Variants in MTHFD1 observed in about 807,000 individuals in gnomAD.
MTHFD1 encodes C-1-tetrahydrofolate synthase, cytoplasmic.
In MTHFD1, 44 loss-of-function variants were observed where a neutral mutation model predicts 110.3. The observed-to-expected ratio is 0.40, with a 90% CI of 0.31 to 0.51. MTHFD1 has a LOEUF of 0.51. Ranked by LOEUF, MTHFD1 falls within the 20% of genes least tolerant of loss-of-function variation. MTHFD1 has a pLI of 0.60. For synonymous variants in MTHFD1, 402 were observed against 428.8 expected (o/e 0.94, Z 0.77); for missense variants, 909 against 1,173.1 (o/e 0.77, Z 3.29).
intron 12 of MTHFD1, 126 bp from the exon 13 acceptor site, chr14:64,430,058 A>G: frequency 3.3e-6 from 3 of 895,604 alleles, no homozygotes; most frequent in South Asian, 2.7e-5. Context: ...AAACTGTCCA[A>G]ATGATTCTAA....
chr14:64,411,577 C>G (rs960654301), intron 3 of MTHFD1, among the ~76,000 whole-genome samples: 14 of 152,182 alleles, frequency 9.2e-5, no homozygotes, highest in Non-Finnish European at 1.3e-4. Context: ...ATGACCTTCT[C>G]TGGCTCAGTG....
chr14:64,448,614 C>T (rs1444091515), intron 23 of MTHFD1: 1 of 416,338 alleles, frequency 2.4e-6, no homozygotes, highest in Non-Finnish European at 4.5e-6. Context: ...TTTATGCTAA[C>T]AGAAGGTCAT....
chr14:64,424,525 G>C (rs1039591056), intron 8 of MTHFD1, among the ~76,000 whole-genome samples: 3 of 152,104 alleles, frequency 2.0e-5, no homozygotes, highest in Admixed American at 1.3e-4. Context: ...TTGGTTTTAA[G>C]AATAAAAAAC....
intron 17 of MTHFD1, among the ~76,000 whole-genome samples, chr14:64,439,809 G>GCCTGAA (rs2078233725): frequency 6.7e-6 from 1 of 149,098 alleles, no homozygotes; most frequent in Non-Finnish European, 1.5e-5. Context: ...CGCGAAAATT[G>GCCTGAA]CCTGAACCCA....
intron 16 of MTHFD1, among the ~76,000 whole-genome samples, chr14:64,435,963 T>TA: frequency 6.6e-6 from 1 of 152,340 alleles, no homozygotes; most frequent in Non-Finnish European, 1.5e-5. Flanking sequence ...AATTTAATTT[T>TA]ATGCAAAAAG....
chr14:64,406,349 A>G (rs1013757252), intron 2 of MTHFD1, among the ~76,000 whole-genome samples: 2 of 151,848 alleles, frequency 1.3e-5, no homozygotes, highest in Admixed American at 6.6e-5. Flanking sequence ...AATTTTATAT[A>G]TTTTTAATAA....
chr14:64,453,637 T>C (rs778758112), intron 24 of MTHFD1, 117 bp from the exon 25 acceptor site: 7 of 708,286 alleles, frequency 9.9e-6, no homozygotes, highest in South Asian at 9.0e-5. Flanking sequence ...TGTATATGTA[T>C]ATAAAAACCA....
rs1566572091 is a variant in MTHFD1 at position 64,442,420 on chromosome 14, G to A, written c.2136+18G>A. 1 of 1,613,586 alleles carries A rather than the reference G, an allele frequency of 6.2e-7. No individual in the cohort carries two copies. The highest frequency in any genetic ancestry group is 8.5e-7 in the Non-Finnish European group (1 of 1,179,882). On this transcript the variant is annotated intron_variant, in intron 21 of 27. Coordinates refer to ENST00000652337, the MANE Select transcript of MTHFD1 (RefSeq NM_005956.4). ...GCCCCACGGTGAGTGGTGGGTTGAA[G>A]TATCTGATTATCGGCAGTGTGCTGA...
Position 64,439,119 on chromosome 14 carries a change from C to G in MTHFD1, c.1621C>G (p.Leu541Val). 2 of 1,613,970 alleles carry G rather than the reference C, an allele frequency of 1.2e-6. No individual in the cohort carries two copies. Among genetic ancestry groups the G allele is most frequent in the Non-Finnish European group, 1.7e-6 (2 of 1,179,848 alleles). ...QRVLDTNDRF[L>V]RKITIGQAPT... Reference sequence around the variant, plus strand: ...AGTGTTGGATACCAATGATAGATTCCTGAGGAAGATCACGATTGGACAGGC... The same window carrying G: ...AGTGTTGGATACCAATGATAGATTCGTGAGGAAGATCACGATTGGACAGGC... The change falls in exon 17 of 28, where the codon CTG (leucine) becomes GTG (valine). Residue 541 changes from leucine to valine, a missense_variant. Physicochemically the swap from Leu to Val is conservative, Grantham distance 32. Coordinates refer to ENST00000652337, the MANE Select transcript of MTHFD1 (RefSeq NM_005956.4).
chr14:64,431,312 C>T lies in MTHFD1; in HGVS notation c.1312-220C>T, dbSNP rs1025703234. 9.2e-5 allele frequency among the ~76,000 whole-genome samples: 14 copies of T among 152,036 alleles called. No individual in the cohort carries two copies. The South Asian group carries it at 1.0e-3, about 11-fold the overall frequency. Reference sequence around the variant, plus strand: ...AACTCCTGGCCTGAAGTGATCCGCCCGCCTCGGCCTCCCAAAGTGCTGGTA... The same window carrying T: ...AACTCCTGGCCTGAAGTGATCCGCCTGCCTCGGCCTCCCAAAGTGCTGGTA... On this transcript the variant is annotated intron_variant, in intron 13 of 27. Transcript: ENST00000652337.
intron 1 of MTHFD1, among the ~76,000 whole-genome samples, chr14:64,391,822 AG>A (rs1353409322): frequency 6.6e-6 from 1 of 152,218 alleles, no homozygotes; most frequent in Non-Finnish European, 1.5e-5. Context: ...TTACTCAACA[AG>A]TAGCTGTATG....
In MTHFD1 at chr14:64,459,955, G is replaced by A. The variant is rs2140995924; in HGVS notation, c.*201G>A. 2.0e-6 allele frequency: 3 copies of A among 1,523,284 alleles called. No individual in the cohort carries two copies. The highest frequency in any genetic ancestry group is 8.8e-7 in the Non-Finnish European group (1 of 1,136,240). The allele number at this position is 1,523,284 out of a possible 1,614,324, so 94.4% of individuals were successfully genotyped here. On this transcript the variant is annotated 3_prime_UTR_variant, in exon 28 of 28. Transcript: ENST00000652337. ...GTATAAATTAACATAAATCATGCAT[G>A]TCTGTTTACTTTAGTGACGTTCCAC...
chr14:64,426,087 T>A lies in MTHFD1; in HGVS notation c.1022T>A (p.Leu341Gln), dbSNP rs749760451. Reference sequence around the variant, plus strand: ...AAGCTGGCTCGAGAAATTGGTCTGCTGTCTGAAGAGGTAGAATTATATGGT... The same window carrying A: ...AAGCTGGCTCGAGAAATTGGTCTGCAGTCTGAAGAGGTAGAATTATATGGT... ...IGKLAREIGLLSEEVELYGET... is the reference protein window; with the variant it reads ...IGKLAREIGLQSEEVELYGET... The change falls in exon 11 of 28, where the codon CTG becomes CAG. Residue 341 changes from leucine to glutamine, a missense_variant. Leu to Gln is a moderately radical substitution (Grantham distance 113). Coordinates refer to ENST00000652337, the MANE Select transcript of MTHFD1 (RefSeq NM_005956.4). The A allele has an allele frequency of 6.2e-6, 10 of 1,614,074 alleles. No homozygotes were observed. Among genetic ancestry groups the A allele is most frequent in the Non-Finnish European group, 8.5e-6 (10 of 1,180,048 alleles).
intron 1 of MTHFD1, among the ~76,000 whole-genome samples, chr14:64,389,466 G>A (rs2077787659): frequency 6.6e-6 from 1 of 152,166 alleles, no homozygotes; most frequent in Admixed American, 6.5e-5. Flanking sequence ...CCAGCACTTT[G>A]GGAGGCCGAG....
rs905858779 is a variant in MTHFD1, at chr14:64,430,117, T to A, written c.1265-67T>A. ...AGTAGTTACAATAATGCATTTGCAT[T>A]TATTTGATTTCTAAGTCATTGGAGA... On this transcript the variant is annotated intron_variant, in intron 12 of 27. Transcript: ENST00000652337. The A allele has an allele frequency of 3.8e-6, 5 of 1,325,074 alleles. No homozygotes were observed. The Admixed American group carries it at 8.4e-5, about 22-fold the overall frequency. The allele number at this position is 1,325,074 out of a possible 1,614,324, so 82.1% of individuals were successfully genotyped here. A position where few individuals can be genotyped will look rare whatever the true frequency, so the allele number is the denominator to read the frequency against.
chr14:64,454,588 C>A lies in MTHFD1; in HGVS notation c.2566-135C>A, dbSNP rs116300923. On this transcript the variant is annotated intron_variant, in intron 25 of 27. Transcript: ENST00000652337. ...GCTTAATAAATAAGCTGGAGGACAG[C>A]AAGATAGAGATGTATATAAAGGGAG... 2.2e-3 allele frequency: 1,592 copies of A among 732,116 alleles called. 22 individuals are homozygous for A. The African/African-American group carries it at 0.024, about 11-fold the overall frequency. 45.4% of individuals were successfully genotyped at this position (732,116 alleles called of 1,614,324 possible).
At chr14:64,445,485 C>A (rs1244359998) in intron 22 of MTHFD1, among the ~76,000 whole-genome samples, 1 of 152,184 alleles carries the variant, frequency 6.6e-6, no homozygotes, top group Non-Finnish European at 1.5e-5. Flanking sequence ...ACAGGAAAGA[C>A]AGGCCATCAG....
intron 1 of MTHFD1, among the ~76,000 whole-genome samples, chr14:64,398,938 G>C (rs938178057): frequency 6.6e-6 from 1 of 152,200 alleles, no homozygotes; most frequent in African/African-American, 2.4e-5. Flanking sequence ...TTGGTAAATT[G>C]ATCATCTTAG....
chr14:64,406,603 C>T (rs2077938117), intron 2 of MTHFD1, among the ~76,000 whole-genome samples: 1 of 151,362 alleles, frequency 6.6e-6, no homozygotes, highest in Non-Finnish European at 1.5e-5. Flanking sequence ...AGCTATCCTC[C>T]CATCTCAGCC....
Sources: gnomAD v4.1 joint callset for allele counts (sites outside exome capture counted in the v4.1 genomes callset) on GRCh38, gnomAD v4.1.1 for gene constraint, MANE v1.5 for transcripts, NCBI Gene and HGNC (gene_info 2026-07-23, HGNC 2026-07-21) for gene names.